The following MYO7B variants were observed in gnomAD, a reference collection of about 807,000 sequenced individuals.
The protein encoded by MYO7B is myosin VIIB, also known as unconventional myosin-VIIb.
Under a neutral mutation model 259.7 loss-of-function variants are expected in MYO7B, and 212 were observed. The observed-to-expected ratio is 0.82, with a 90% confidence interval of 0.73 to 0.91. MYO7B has a LOEUF of 0.91. Among genes scored for constraint, MYO7B ranks in the 40% least tolerant of loss-of-function variants. MYO7B has a pLI of 0.00. For missense variants in MYO7B, 2,732 were observed against 2,813.5 expected, an observed-to-expected ratio of 0.97 and a Z score of 0.66; for synonymous variants, 1,197 against 1,166.4, an observed-to-expected ratio of 1.03 and a Z score of -0.54.
In MYO7B at chr2:127,634,302, G is replaced by A; in HGVS notation, c.5625+13G>A. The A allele has an allele frequency of 6.5e-7, 1 of 1,549,978 alleles. No individual in the cohort carries two copies. Among genetic ancestry groups the A allele is most frequent in the Non-Finnish European group, 8.7e-7 (1 of 1,148,306 alleles). On this transcript the variant is annotated intron_variant, in intron 41 of 47. Transcript: ENST00000409816. ...GATTTCAGACAAGGTGGGCCGGGCT[G>A]GGGCTGGGCAGACGGTGGGCGGACG...
At position 127,596,648 on chromosome 2, in the gene MYO7B, C is replaced by T. The variant is rs1679781058; in HGVS notation, c.2339+92C>T. 5 of 1,043,064 alleles carry T rather than the reference C, an allele frequency of 4.8e-6. No individual in the cohort carries two copies. The South Asian group carries it at 6.8e-5, about 14-fold the overall frequency. 64.6% of individuals were successfully genotyped at this position (1,043,064 alleles called of 1,614,324 possible). A position where few individuals can be genotyped will look rare whatever the true frequency, so the allele number is the denominator to read the frequency against. ...GCCCACAAACCAGGATCACATGTTC[C>T]CGCTGGGCCCTCCCTGGGGTTACTG... On this transcript the variant is annotated intron_variant, in intron 19 of 47. Transcript: ENST00000409816.
At chr2:127,610,642 C>T (rs1309199359) in intron 24 of MYO7B, among the ~76,000 whole-genome samples, 1 of 152,244 alleles carries the variant, frequency 6.6e-6, no homozygotes, top group East Asian at 1.9e-4. Flanking sequence ...TAACCAAGAA[C>T]AGTCCAAATG....
At position 127,622,113 on chromosome 2, in the gene MYO7B, C is replaced by T. The variant is rs1262823028; in HGVS notation, c.3645+12C>T. 3.2e-6 allele frequency: 5 copies of T among 1,547,512 alleles called. No individual in the cohort carries two copies. The highest frequency in any genetic ancestry group is 2.0e-5 in the Admixed American group (1 of 50,834). On this transcript the variant is annotated intron_variant, in intron 28 of 47. Coordinates refer to ENST00000409816, the MANE Select transcript of MYO7B (RefSeq NM_001393586.1). ...GGCTGGAGCTGCAGGTAGGGGCTGGCAGGGGTGAGAGCGGGCAGGGTGGGG... is the reference window on the plus strand; with the variant it reads ...GGCTGGAGCTGCAGGTAGGGGCTGGTAGGGGTGAGAGCGGGCAGGGTGGGG...
chr2:127,593,423 C>CG (rs1275468100), intron 17 of MYO7B, 123 bp from the exon 18 acceptor site: 8 of 914,412 alleles, frequency 8.7e-6, no homozygotes, highest in Non-Finnish European at 1.0e-5. Context: ...TGTGCCTGGG[C>CG]GGGGGTGGGC....
intron 1 of MYO7B, among the ~76,000 whole-genome samples, chr2:127,557,280 A>G (rs989057524): frequency 9.2e-5 from 14 of 152,060 alleles, no homozygotes; most frequent in African/African-American, 3.1e-4. Flanking sequence ...TGTCTGTTTC[A>G]ATGAAGATTT....
chr2:127,621,839 A>T (rs181024288), intron 27 of MYO7B, 143 bp from the exon 28 acceptor site: 1 of 1,237,476 alleles, frequency 8.1e-7, no homozygotes, highest in African/African-American at 1.5e-5. Context: ...ACACTGATCC[A>T]TGTTCCTTCT....
chr2:127,617,473 A>G (rs1452215018), intron 26 of MYO7B, among the ~76,000 whole-genome samples: 5 of 147,802 alleles, frequency 3.4e-5, no homozygotes, highest in Non-Finnish European at 7.4e-5. Context: ...TGCTGCCAGC[A>G]GACTTGTAAC....
At chr2:127,635,091 C>T (rs1240434914) in intron 42 of MYO7B, 29 bp from the exon 43 acceptor site, 1 of 1,574,990 alleles carries the variant, frequency 6.3e-7, no homozygotes, top group Non-Finnish European at 8.7e-7. Context: ...CTGGGACAGG[C>T]TTGGTGCCCA....
At chr2:127,542,517 TC>T (rs1267267855) in intron 1 of MYO7B, among the ~76,000 whole-genome samples, 1 of 152,150 alleles carries the variant, frequency 6.6e-6, no homozygotes, top group African/African-American at 2.4e-5. Context: ...AGCTCAGATA[TC>T]CCAGACAACC....
Position 127,609,269 on chromosome 2 carries a change from C to A in MYO7B, c.2815-237C>A, listed in dbSNP as rs1268418694. Among the ~76,000 whole-genome samples, 1 of 152,078 alleles carries A rather than the reference C, an allele frequency of 6.6e-6. No individual in the cohort carries two copies. Among genetic ancestry groups the A allele is most frequent in the East Asian group, 1.9e-4 (1 of 5,170 alleles). The stretch of plus-strand genomic sequence containing the variant: ...GAGGACACAGTGTCTGAGCGTGGGG[C>A]CAGGAGGGGAGAGGGCAGGAGCCCT... On this transcript the variant is annotated intron_variant, in intron 22 of 47. Transcript: ENST00000409816. The surrounding 1 kb of genome is among the most constrained non-coding windows in gnomAD (Gnocchi z 6.9).
chr2:127,551,703 G>T (rs1278900983), intron 1 of MYO7B, among the ~76,000 whole-genome samples: 1 of 152,248 alleles, frequency 6.6e-6, no homozygotes, highest in East Asian at 1.9e-4. Context: ...GGGCTGTCAG[G>T]GTTCCCTGCC....
In MYO7B at chr2:127,625,524, G is replaced by A. The variant is rs773655120; in HGVS notation, c.4204G>A (p.Ala1402Thr). The change falls in exon 31 of 48, where the codon GCC (alanine) becomes ACC (threonine). Residue 1402 changes from alanine to threonine, a missense_variant. By Grantham distance (58) the Ala-to-Thr change is moderately conservative. Transcript: ENST00000409816. ...PDRWASLVTA[A>T]CAKAPYTQKQ... is the part of the protein sequence containing the mutation. ...CAGGTGGGCGAGCCTCGTCACTGCC[G>A]CCTGCGCCAAGGTCAGCCTGCATGC... is the stretch of plus-strand genomic sequence containing the variant. 1.3e-5 allele frequency: 21 copies of A among 1,600,902 alleles called. No individual in the cohort carries two copies. The highest frequency in any genetic ancestry group is 1.6e-5 in the Non-Finnish European group (19 of 1,174,192).
At position 127,636,515 on chromosome 2, in the gene MYO7B, G is replaced by A. The variant is rs770800009; in HGVS notation, c.6124-30G>A. 6.3e-7 allele frequency: 1 copy of A among 1,594,102 alleles called. No homozygotes were observed. The highest frequency in any genetic ancestry group is 8.5e-7 in the Non-Finnish European group (1 of 1,169,834). On this transcript the variant is annotated intron_variant, in intron 45 of 47. Coordinates refer to ENST00000409816, the MANE Select transcript of MYO7B (RefSeq NM_001393586.1). This position sits in a 1 kb window ranked among gnomAD's most constrained non-coding sequence, Gnocchi z 4.5. ...AGGTGCAGCCTGGCCTCCCGGGCTG[G>A]ACTATGACCGCCGTGTCCCTCCCTC...
chr2:127,627,804 T>C lies in MYO7B; in HGVS notation c.4460+494T>C, dbSNP rs1558848220. 2.2e-6 allele frequency: 1 copy of C among 457,688 alleles called. No individual in the cohort carries two copies. 28.4% of individuals were successfully genotyped at this position (457,688 alleles called of 1,614,324 possible). A position where few individuals can be genotyped will look rare whatever the true frequency, so the allele number is the denominator to read the frequency against. On this transcript the variant is annotated intron_variant, in intron 33 of 47. Coordinates refer to ENST00000409816, the MANE Select transcript of MYO7B (RefSeq NM_001393586.1). The surrounding 1 kb of genome is among the most constrained non-coding windows in gnomAD (Gnocchi z 5.6). Reference sequence around the variant, plus strand: ...TTGACTGGGAACTTTTCCATGCCCTTTGGGAAGTCCCACCCAAGCCCTGCC... The same window carrying C: ...TTGACTGGGAACTTTTCCATGCCCTCTGGGAAGTCCCACCCAAGCCCTGCC...
At chr2:127,617,766 T>C (rs1680634617) in intron 26 of MYO7B, among the ~76,000 whole-genome samples, 1 of 150,616 alleles carries the variant, frequency 6.6e-6, no homozygotes, top group African/African-American at 2.5e-5. Flanking sequence ...CCTCCCAAAG[T>C]GCTGGGATTA....
In MYO7B at chr2:127,573,982, A is replaced by C. The variant is rs1678753088; in HGVS notation, c.655A>C (p.Ile219Leu). The C allele has an allele frequency of 1.2e-6, 2 of 1,614,030 alleles. No homozygotes were observed. Among genetic ancestry groups the C allele is most frequent in the Non-Finnish European group, 1.7e-6 (2 of 1,179,896 alleles). ...NSSRFGKYID[I>L]YFNPSGVIEG... Reference sequence around the variant, plus strand: ...AAGCCGCTTTGGGAAGTACATTGACATCTACTTTAACCCCAGCGGGGTGAT... The same window carrying C: ...AAGCCGCTTTGGGAAGTACATTGACCTCTACTTTAACCCCAGCGGGGTGAT... The change falls in exon 7 of 48, where the codon ATC becomes CTC. Residue 219 changes from isoleucine (I) to leucine (L), a missense_variant. Around this residue, in one of 3 missense-constraint regions of MYO7B, gnomAD observed 1,906 missense variants for 2,026.4 expected, o/e 0.94. Coordinates refer to ENST00000409816, the MANE Select transcript of MYO7B (RefSeq NM_001393586.1).
intron 31 of MYO7B, 65 bp downstream of exon 31, chr2:127,625,600 G>A (rs1681070113): frequency 1.4e-6 from 2 of 1,428,908 alleles, no homozygotes; most frequent in South Asian, 1.6e-5. Context: ...GGGGGCTCAT[G>A]GTATACAGAG....
intron 18 of MYO7B, 37 bp downstream of exon 18, chr2:127,593,681 T>C: frequency 6.3e-7 from 1 of 1,583,652 alleles, no homozygotes; most frequent in Non-Finnish European, 8.7e-7. Flanking sequence ...GTCGGCCTCC[T>C]GCAGCATGTG....
chr2:127,588,879 G>T (rs1158393039), intron 15 of MYO7B, among the ~76,000 whole-genome samples: 4 of 149,914 alleles, frequency 2.7e-5, no homozygotes, highest in Non-Finnish European at 4.4e-5. Flanking sequence ...ATGTGTGGTT[G>T]GTTGGTTGGA....
Sources: gnomAD v4.1 joint callset for allele counts (sites outside exome capture counted in the v4.1 genomes callset) on GRCh38, gnomAD v4.1.1 for gene constraint, gnomAD v4.1.1 regional missense constraint, Gnocchi (gnomAD v3.1) non-coding constraint, MANE v1.5 for transcripts, NCBI Gene and HGNC (gene_info 2026-07-23, HGNC 2026-07-21) for gene names.